The following MCPH1 variants were observed in gnomAD, a reference collection of about 807,000 sequenced individuals.
MCPH1 encodes microcephalin 1, also known as microcephalin.
In MCPH1, 104 loss-of-function variants were observed where a neutral mutation model predicts 84.5. The observed-to-expected ratio is 1.23, with a 90% confidence interval of 1.05 to 1.45. The LOEUF (loss-of-function observed/expected upper bound fraction) is 1.45. MCPH1 is among the 40% of genes most tolerant of loss of function. MCPH1 has a pLI of 0.00. For missense variants in MCPH1, 1,498 were observed against 1,005.7 expected (o/e 1.49, Z -6.62); for synonymous variants, 514 against 366.8 (o/e 1.40, Z -4.58).
chr8:6,414,529 C>G (rs1798983080), intron 2 of MCPH1, among the ~76,000 whole-genome samples: 1 of 152,142 alleles, frequency 6.6e-6, no homozygotes, highest in Non-Finnish European at 1.5e-5. Context: ...GGCTCCAACT[C>G]TATTCTTTCA....
intron 12 of MCPH1, chr8:6,513,943 T>G: frequency 8.6e-7 from 1 of 1,159,404 alleles, no homozygotes; most frequent in Non-Finnish European, 1.2e-6. Flanking sequence ...AACTATCAAA[T>G]AGCAGAAATT....
intron 12 of MCPH1, among the ~76,000 whole-genome samples, chr8:6,585,987 G>T (rs979772302): frequency 1.3e-5 from 2 of 152,148 alleles, no homozygotes; most frequent in Non-Finnish European, 1.5e-5. Context: ...TTGAGCTAGG[G>T]TCTCACTCTG....
At chr8:6,547,071 G>C (rs376783320) in intron 12 of MCPH1, among the ~76,000 whole-genome samples, 3 of 151,942 alleles carry the variant, frequency 2.0e-5, no homozygotes, top group Admixed American at 6.6e-5. Flanking sequence ...GGTTGCCTTC[G>C]GGCTAATGCG....
At chr8:6,508,563 G>A (rs1279864156) in intron 12 of MCPH1, 10 of 404,148 alleles carry the variant, frequency 2.5e-5, no homozygotes, top group Non-Finnish European at 3.9e-5. Flanking sequence ...CTATATTACT[G>A]TTGTGGTTGC....
At chr8:6,459,196 A>G (rs1241069060) in intron 9 of MCPH1, among the ~76,000 whole-genome samples, 1 of 152,230 alleles carries the variant, frequency 6.6e-6, no homozygotes, top group Non-Finnish European at 1.5e-5. Context: ...CCCATTAAAT[A>G]GGTTTTACCT....
chr8:6,514,683 A>G (rs1815892419), intron 12 of MCPH1: 2 of 1,613,824 alleles, frequency 1.2e-6, no homozygotes, highest in Non-Finnish European at 1.7e-6. Flanking sequence ...TTACCACTTT[A>G]TATTCTTTCC....
intron 12 of MCPH1, among the ~76,000 whole-genome samples, chr8:6,550,026 G>A (rs1045941425): frequency 1.3e-5 from 2 of 152,236 alleles, no homozygotes; most frequent in Non-Finnish European, 2.9e-5. Context: ...CGGGGGACGT[G>A]CTGTGAATGG....
chr8:6,581,002 G>A (rs1366606108), intron 12 of MCPH1, among the ~76,000 whole-genome samples: 1 of 152,148 alleles, frequency 6.6e-6, no homozygotes, highest in Non-Finnish European at 1.5e-5. Context: ...AAAAAATCGA[G>A]TACAACAACT....
intron 8 of MCPH1, among the ~76,000 whole-genome samples, chr8:6,453,623 C>G (rs1181441976): frequency 6.6e-6 from 1 of 152,066 alleles, no homozygotes; most frequent in Non-Finnish European, 1.5e-5. Context: ...CACTGCTTTT[C>G]CGATTTTGAC....
At chr8:6,634,462 A>ATTTT in intron 13 of MCPH1, among the ~76,000 whole-genome samples, 2 of 151,852 alleles carry the variant, frequency 1.3e-5, no homozygotes, top group African/African-American at 4.8e-5. Context: ...GACAGCCCCT[A>ATTTT]CAGGAATTAA....
intron 9 of MCPH1, among the ~76,000 whole-genome samples, chr8:6,463,421 T>C (rs1806500692): frequency 6.6e-6 from 1 of 152,226 alleles, no homozygotes; most frequent in African/African-American, 2.4e-5. Flanking sequence ...GTTTTCTATT[T>C]CTCAGTCATA....
chr8:6,500,200 A>G, intron 12 of MCPH1: 1 of 442,082 alleles, frequency 2.3e-6, no homozygotes, highest in South Asian at 2.3e-5. Flanking sequence ...AAAAATGAAA[A>G]AAGACTGAAT....
At chr8:6,471,699 G>T (rs1351661281) in intron 9 of MCPH1, among the ~76,000 whole-genome samples, 1 of 152,136 alleles carries the variant, frequency 6.6e-6, no homozygotes, top group East Asian at 1.9e-4. Flanking sequence ...TTCTCAATGA[G>T]GGTTATAGAA....
chr8:6,452,793 C>T (rs745542041), intron 8 of MCPH1, among the ~76,000 whole-genome samples: 2 of 152,342 alleles, frequency 1.3e-5, no homozygotes, highest in African/African-American at 2.4e-5. Context: ...ACCGTGATCT[C>T]GGCCTTCAGG....
chr8:6,636,095 T>G (rs1446485040), intron 13 of MCPH1, among the ~76,000 whole-genome samples: 1 of 152,162 alleles, frequency 6.6e-6, no homozygotes, highest in Non-Finnish European at 1.5e-5. Flanking sequence ...TCCCAGCACT[T>G]TGGGAGGCCA....
chr8:6,434,942 C>A (rs367792324), intron 4 of MCPH1, among the ~76,000 whole-genome samples: 1 of 152,084 alleles, frequency 6.6e-6, no homozygotes, highest in African/African-American at 2.4e-5. Context: ...GGGCTAAAGA[C>A]GGGAAGTCAA....
chr8:6,542,210 G>GT (rs1393798122), intron 12 of MCPH1, among the ~76,000 whole-genome samples: 1 of 152,082 alleles, frequency 6.6e-6, no homozygotes, highest in Non-Finnish European at 1.5e-5. Context: ...ATGTCTCAGT[G>GT]TTTTTCTATG....
At position 6,461,325 on chromosome 8, in the gene MCPH1, C is replaced by T. The variant is rs1229428348; in HGVS notation, c.1935+6073C>T. ...TATACTTGTTTCAAATTTGTTGAGA[C>T]TTTTTTTTTTTTTTTTTTGAGATGG... is the stretch of plus-strand genomic sequence containing the variant. On this transcript the variant is annotated intron_variant, in intron 9 of 13. Transcript: ENST00000344683. Among the ~76,000 whole-genome samples, 12 of 110,988 alleles carry T rather than the reference C, an allele frequency of 1.1e-4. 1 individual carries two copies. The highest frequency in any genetic ancestry group is 2.3e-4 in the Admixed American group (2 of 8,624). The allele number at this position is 110,988 out of a possible 152,430, so 72.8% of individuals were successfully genotyped here. A position where few individuals can be genotyped will look rare whatever the true frequency, so the allele number is the denominator to read the frequency against.
intron 12 of MCPH1, among the ~76,000 whole-genome samples, chr8:6,596,355 CA>C (rs1250846179): frequency 1.3e-5 from 2 of 152,168 alleles, no homozygotes; most frequent in African/African-American, 4.8e-5. Context: ...GTCTATGGCA[CA>C]GCCCCCTGCC....
Sources: allele counts gnomAD v4.1 joint callset (sites outside exome capture counted in the v4.1 genomes callset), GRCh38; gene constraint gnomAD v4.1.1; transcripts MANE v1.5; gene names NCBI Gene and HGNC (gene_info 2026-07-23, HGNC 2026-07-21).